Variants in MDGA2 observed in about 807,000 individuals in gnomAD.
The protein encoded by MDGA2 is MAM domain-containing glycosylphosphatidylinositol anchor protein 2.
MDGA2 carries 40 observed loss-of-function variants against 117.8 expected under a neutral mutation model. The observed-to-expected ratio is 0.34, with a 90% CI of 0.26 to 0.44. MDGA2 has a LOEUF of 0.44. Among genes scored for constraint, MDGA2 ranks in the 20% least tolerant of loss-of-function variants. The pLI is 1.00. For missense variants in MDGA2, 1,123 were observed against 1,250.6 expected, an observed-to-expected ratio of 0.90 and a Z score of 1.54; for synonymous variants, 452 against 439.0, an observed-to-expected ratio of 1.03 and a Z score of -0.37.
At chr14:47,123,675 T>G (rs1481754702) in intron 5 of MDGA2, among the ~76,000 whole-genome samples, 1 of 151,924 alleles carries the variant, frequency 6.6e-6, no homozygotes, top group Non-Finnish European at 1.5e-5. Flanking sequence ...AGAATATGAG[T>G]CATTTCTATA....
chr14:46,840,922 A>T lies in MDGA2; in HGVS notation c.*1009T>A, dbSNP rs1468564128. ...GCCATGGCTGTCTAGGAGGTTAAAC[A>T]ACAAATATCTTGTCTGCATGGGCTT... On this transcript the variant is annotated 3_prime_UTR_variant, in exon 17 of 17. Coordinates refer to ENST00000399232, the MANE Select transcript of MDGA2 (RefSeq NM_001113498.3). The T allele has an allele frequency of 6.6e-6, 1 of 152,634 alleles. No individual in the cohort carries two copies. The highest frequency in any genetic ancestry group is 1.5e-5 in the Non-Finnish European group (1 of 68,026). 9.5% of individuals were successfully genotyped at this position (152,634 alleles called of 1,614,324 possible).
chr14:47,335,128 C>T (rs908475864), intron 1 of MDGA2, among the ~76,000 whole-genome samples: 7 of 151,656 alleles, frequency 4.6e-5, no homozygotes, highest in African/African-American at 7.3e-5. Flanking sequence ...TAGCCCCTTA[C>T]TCTTTAGAAT....
At chr14:47,152,793 T>C (rs1373127073) in intron 3 of MDGA2, among the ~76,000 whole-genome samples, 1 of 152,146 alleles carries the variant, frequency 6.6e-6, no homozygotes, top group African/African-American at 2.4e-5. Context: ...CAGTAAAGGC[T>C]ACCTGAAAAG....
intron 3 of MDGA2, among the ~76,000 whole-genome samples, chr14:47,162,490 A>G (rs1378858880): frequency 2.0e-5 from 3 of 152,148 alleles, no homozygotes; most frequent in Non-Finnish European, 4.4e-5. Context: ...GAACTCTGAT[A>G]TAAATCCTTT....
Position 46,901,751 on chromosome 14 carries a change from T to C in MDGA2, c.2238+18261A>G, listed in dbSNP as rs558787383. 1.5e-3 allele frequency among the ~76,000 whole-genome samples: 221 copies of C among 152,348 alleles called. 2 individuals are homozygous for C. Among genetic ancestry groups the C allele is most frequent in the Admixed American group, 0.013 (199 of 15,300 alleles). ...AAACCTTTTCCTTTCCTTTAACAAC[T>C]GAGGCTCCCTGCTAGGGTTTAAGGA... is the stretch of plus-strand genomic sequence containing the variant. On this transcript the variant is annotated intron_variant, in intron 10 of 16. Coordinates refer to ENST00000399232, the MANE Select transcript of MDGA2 (RefSeq NM_001113498.3).
At chr14:47,212,695 G>T (rs1885929528) in intron 3 of MDGA2, among the ~76,000 whole-genome samples, 1 of 152,018 alleles carries the variant, frequency 6.6e-6, no homozygotes. Context: ...TATTTATAGC[G>T]TGCTTTTGGT....
At chr14:47,334,172 G>C (rs1010397839) in intron 1 of MDGA2, among the ~76,000 whole-genome samples, 2 of 151,696 alleles carry the variant, frequency 1.3e-5, no homozygotes, top group African/African-American at 4.8e-5. Context: ...GTGCTCTACA[G>C]CACAGACTTA....
chr14:47,494,764 C>A (rs1894243612), intron 1 of MDGA2, among the ~76,000 whole-genome samples: 1 of 151,666 alleles, frequency 6.6e-6, no homozygotes, highest in African/African-American at 2.4e-5. Context: ...TTCCCAGCAC[C>A]ATTTATTGAA....
intron 6 of MDGA2, among the ~76,000 whole-genome samples, chr14:47,087,407 C>G (rs543731751): frequency 7.3e-6 from 1 of 136,978 alleles, no homozygotes; most frequent in Admixed American, 7.9e-5. Context: ...ATCCCAGCTA[C>G]TCTGAAGGTT....
chr14:47,641,360 A>T (rs1195810042), intron 1 of MDGA2, among the ~76,000 whole-genome samples: 1 of 152,100 alleles, frequency 6.6e-6, no homozygotes, highest in African/African-American at 2.4e-5. Flanking sequence ...CCCACTGTGG[A>T]CAATTGTAAT....
intron 1 of MDGA2, among the ~76,000 whole-genome samples, chr14:47,352,417 C>T (rs1246715877): frequency 6.6e-6 from 1 of 151,846 alleles, no homozygotes; most frequent in African/African-American, 2.4e-5. Context: ...TTTAACCATC[C>T]TGACTAAACC....
chr14:46,958,997 T>A (rs1264314644), intron 8 of MDGA2, among the ~76,000 whole-genome samples: 1 of 152,214 alleles, frequency 6.6e-6, no homozygotes, highest in Admixed American at 6.5e-5. Flanking sequence ...TATGGTTGTT[T>A]ATTCATTTAT....
At chr14:47,075,213 T>C (rs1304608694) in intron 6 of MDGA2, among the ~76,000 whole-genome samples, 3 of 152,320 alleles carry the variant, frequency 2.0e-5, no homozygotes, top group East Asian at 1.9e-4. Flanking sequence ...GTCTGAAGAA[T>C]TGCCACTATT....
intron 1 of MDGA2, among the ~76,000 whole-genome samples, chr14:47,572,126 T>C (rs547655615): frequency 2.6e-5 from 4 of 152,322 alleles, no homozygotes; most frequent in African/African-American, 9.6e-5. Context: ...TCTGAGGCTA[T>C]TCAATCCCAT....
chr14:47,259,927 C>A (rs1231115127), intron 2 of MDGA2, among the ~76,000 whole-genome samples: 1 of 152,048 alleles, frequency 6.6e-6, no homozygotes, highest in African/African-American at 2.4e-5. Flanking sequence ...ACAAGACGAT[C>A]TAACATCTAG....
intron 6 of MDGA2, among the ~76,000 whole-genome samples, chr14:47,063,145 G>A (rs571540059): frequency 1.2e-4 from 18 of 152,040 alleles, no homozygotes; most frequent in African/African-American, 3.4e-4. Context: ...CATATATAGC[G>A]ATGAAATATT....
intron 1 of MDGA2, among the ~76,000 whole-genome samples, chr14:47,584,639 AT>A (rs1261545566): frequency 6.6e-6 from 1 of 151,728 alleles, no homozygotes; most frequent in African/African-American, 2.4e-5. Flanking sequence ...AATCTCCCCT[AT>A]TGCATAAATC....
At chr14:47,370,278 C>T (rs1891317290) in intron 1 of MDGA2, among the ~76,000 whole-genome samples, 1 of 146,060 alleles carries the variant, frequency 6.8e-6, no homozygotes, top group Admixed American at 7.1e-5. Context: ...AATTACATAA[C>T]TTACTGTGTA....
At chr14:46,977,683 T>C (rs1886517619) in intron 8 of MDGA2, among the ~76,000 whole-genome samples, 1 of 151,938 alleles carries the variant, frequency 6.6e-6, no homozygotes, top group Non-Finnish European at 1.5e-5. Flanking sequence ...ACAAATGCAA[T>C]ATAAATTGAT....
Sources: gnomAD v4.1 joint callset for allele counts (sites outside exome capture counted in the v4.1 genomes callset) on GRCh38, gnomAD v4.1.1 for gene constraint, MANE v1.5 for transcripts, NCBI Gene and HGNC (gene_info 2026-07-23, HGNC 2026-07-21) for gene names.